Variants in DHRS3 observed in about 807,000 individuals in gnomAD.
DHRS3 encodes the protein dehydrogenase/reductase 3.
Under a neutral mutation model 27.2 loss-of-function variants are expected in DHRS3, and 14 were observed. That is an observed-to-expected ratio of 0.52 (90% CI 0.34 to 0.81). The LOEUF is 0.81. Among genes scored for constraint, DHRS3 ranks in the 30% least tolerant of loss-of-function variants. The pLI is 0.01. For missense variants in DHRS3, 322 were observed against 406.2 expected (o/e 0.79, Z 1.78); for synonymous variants, 165 against 175.9 (o/e 0.94, Z 0.49).
chr1:12,572,626 A>G (rs1368575955), intron 5 of DHRS3, 102 bp downstream of exon 5: 1 of 1,520,364 alleles, frequency 6.6e-7, no homozygotes, highest in Non-Finnish European at 8.9e-7. Context: ...CATCAGCAGC[A>G]AATGTGCCAG....
rs113486754 is a variant in DHRS3 at position 12,569,141 on chromosome 1, T to C, written c.825-717A>G. 1.1e-3 allele frequency among the ~76,000 whole-genome samples: 172 copies of C among 151,764 alleles called. 1 individual carries two copies. The highest frequency in any genetic ancestry group is 4.0e-3 in the African/African-American group (165 of 41,350). ...ACTGAGGCAGGAGAATTGCTTGACCTGGGAGGCGGAGGTTTCGGTGGGCCG... is the reference window on the plus strand; with the variant it reads ...ACTGAGGCAGGAGAATTGCTTGACCCGGGAGGCGGAGGTTTCGGTGGGCCG... On this transcript the variant is annotated intron_variant, in intron 5 of 5. Coordinates refer to ENST00000616661, the MANE Select transcript of DHRS3 (RefSeq NM_004753.7).
chr1:12,592,228 C>T lies in DHRS3; in HGVS notation c.196-11562G>A, dbSNP rs76150369. ...CTTAGACTGAATCCTCTCGGCTGCC[C>T]GGATGTGGTACAGTCGGCTGATTAG... On this transcript the variant is annotated intron_variant, in intron 1 of 5. Transcript: ENST00000616661. The surrounding 1 kb of genome is among the most constrained non-coding windows in gnomAD (Gnocchi z 4.2). Among the ~76,000 whole-genome samples, 3,531 of 152,244 alleles carry T rather than the reference C, an allele frequency of 0.023. 126 individuals carry two copies. The highest frequency in any genetic ancestry group is 0.074 in the African/African-American group (3,054 of 41,532).
chr1:12,605,078 C>CA (rs36031555), intron 1 of DHRS3, among the ~76,000 whole-genome samples: 66,086 of 98,168 alleles, frequency 0.67, 20,627 homozygotes, highest in East Asian at 0.77. Flanking sequence ...AACTCCATCT[C>CA]AAAAAAAAAA....
intron 1 of DHRS3, among the ~76,000 whole-genome samples, chr1:12,581,205 T>C (rs1307066099): frequency 6.6e-6 from 1 of 152,218 alleles, no homozygotes; most frequent in Non-Finnish European, 1.5e-5. Flanking sequence ...GATCAATCAA[T>C]TGATGTGTAT....
At chr1:12,590,424 C>T (rs1646735746) in intron 1 of DHRS3, among the ~76,000 whole-genome samples, 1 of 152,172 alleles carries the variant, frequency 6.6e-6, no homozygotes, top group Non-Finnish European at 1.5e-5. Context: ...AATTCTCCTG[C>T]CTCAGCCTCC....
At chr1:12,585,277 CTG>C (rs990863509) in intron 1 of DHRS3, among the ~76,000 whole-genome samples, 18 of 147,434 alleles carry the variant, frequency 1.2e-4, no homozygotes, top group Non-Finnish European at 1.0e-4. Flanking sequence ...CTCTCTGTGT[CTG>C]TGTGTGTCTC....
chr1:12,605,301 C>G (rs890028061), intron 1 of DHRS3, among the ~76,000 whole-genome samples: 4 of 152,092 alleles, frequency 2.6e-5, no homozygotes, highest in African/African-American at 7.2e-5. Flanking sequence ...TGGTCATGTA[C>G]AGTATCATTC....
intron 1 of DHRS3, among the ~76,000 whole-genome samples, chr1:12,589,241 GA>G (rs1282272648): frequency 1.3e-5 from 2 of 152,218 alleles, no homozygotes; most frequent in African/African-American, 4.8e-5. Context: ...TCCAAAAGGA[GA>G]GACCCTTTCT....
chr1:12,572,760 T>C lies in DHRS3; in HGVS notation c.792A>G (p.Pro264=). 6.2e-7 allele frequency: 1 copy of C among 1,610,716 alleles called. No individual in the cohort carries two copies. ...VQLNQALLLL[P]WTMHALVILK... is the part of the protein sequence containing the mutation. ...AGATAACGAGGGCATGCATTGTCCATGGGAGGAGGAGGAGGGCCTGGTTGA... is the reference window on the plus strand; with the variant it reads ...AGATAACGAGGGCATGCATTGTCCACGGGAGGAGGAGGAGGGCCTGGTTGA... Residue 264 remains proline (P), a synonymous_variant, in exon 5 of 6, where the codon CCA becomes CCG. Transcript: ENST00000616661.
At chr1:12,602,341 A>G (rs1019203602) in intron 1 of DHRS3, among the ~76,000 whole-genome samples, 1 of 150,794 alleles carries the variant, frequency 6.6e-6, no homozygotes, top group Admixed American at 6.6e-5. Context: ...TCATCTCAAC[A>G]GAGGTGAGGC....
At position 12,572,611 on chromosome 1, in the gene DHRS3, C is replaced by T. The variant is rs563920922; in HGVS notation, c.824+117G>A. ...GAGAACTGCTGCCCCACAGTAAGTACAGTACATCAGCAGCAAATGTGCCAG... is the reference window on the plus strand; with the variant it reads ...GAGAACTGCTGCCCCACAGTAAGTATAGTACATCAGCAGCAAATGTGCCAG... On this transcript the variant is annotated intron_variant, in intron 5 of 5. Coordinates refer to ENST00000616661, the MANE Select transcript of DHRS3 (RefSeq NM_004753.7). The T allele has an allele frequency of 8.8e-6, 13 of 1,478,154 alleles. No individual in the cohort carries two copies. The Admixed American group carries it at 2.6e-4, about 29-fold the overall frequency. The allele number at this position is 1,478,154 out of a possible 1,614,324, so 91.6% of individuals were successfully genotyped here.
At chr1:12,607,712 T>C (rs2100719471) in intron 1 of DHRS3, among the ~76,000 whole-genome samples, 1 of 152,334 alleles carries the variant, frequency 6.6e-6, no homozygotes, top group South Asian at 2.1e-4. Flanking sequence ...AAAAAAAGAC[T>C]GTATTGACAT....
chr1:12,592,145 C>T lies in DHRS3; in HGVS notation c.196-11479G>A, dbSNP rs1028552718. Among the ~76,000 whole-genome samples, 3 of 152,134 alleles carry T rather than the reference C, an allele frequency of 2.0e-5. No individual in the cohort carries two copies. Among genetic ancestry groups the T allele is most frequent in the East Asian group, 1.9e-4 (1 of 5,178 alleles). On this transcript the variant is annotated intron_variant, in intron 1 of 5. Transcript: ENST00000616661. The surrounding 1 kb of genome is among the most constrained non-coding windows in gnomAD (Gnocchi z 4.2). ...GGGTGGGACTGTGACAAGCACTCAC[C>T]GCCACCACAGTGAACAATCTGTGGA... is the stretch of plus-strand genomic sequence containing the variant.
chr1:12,587,441 T>G (rs529349977), intron 1 of DHRS3, among the ~76,000 whole-genome samples: 1 of 152,242 alleles, frequency 6.6e-6, no homozygotes, highest in Non-Finnish European at 1.5e-5. Context: ...ACCAGGTCAC[T>G]GGAAGTCAAC....
In DHRS3 at chr1:12,608,632, G is replaced by A. The variant is rs557324011; in HGVS notation, c.195+8522C>T. ...TGACAATGACTCACAGAATCAAAGG[G>A]TAGAAGGGACCTAGGAGGTTGTCCA... On this transcript the variant is annotated intron_variant, in intron 1 of 5. Coordinates refer to ENST00000616661, the MANE Select transcript of DHRS3 (RefSeq NM_004753.7). The surrounding 1 kb of genome is among the most constrained non-coding windows in gnomAD (Gnocchi z 4.1). Among the ~76,000 whole-genome samples, 5 of 152,264 alleles carry A rather than the reference G, an allele frequency of 3.3e-5. No homozygotes were observed. In the South Asian group the frequency reaches 1.0e-3, roughly 32 times the overall value.
At chr1:12,597,492 T>A (rs1646806717) in intron 1 of DHRS3, among the ~76,000 whole-genome samples, 1 of 152,256 alleles carries the variant, frequency 6.6e-6, no homozygotes, top group South Asian at 2.1e-4. Flanking sequence ...TCCTTCTGCC[T>A]CACATCCCTC....
intron 4 of DHRS3, among the ~76,000 whole-genome samples, chr1:12,573,428 G>A (rs1646557012): frequency 6.6e-6 from 1 of 152,222 alleles, no homozygotes; most frequent in African/African-American, 2.4e-5. Flanking sequence ...CTTGTCAGTG[G>A]CCTGTCTCCG....
chr1:12,575,858 C>CA (rs1646581995), intron 4 of DHRS3, among the ~76,000 whole-genome samples: 1 of 152,118 alleles, frequency 6.6e-6, no homozygotes, highest in African/African-American at 2.4e-5. Context: ...AGGCACCCAC[C>CA]ACCATGCCTG....
chr1:12,569,264 C>T (rs1476298892), intron 5 of DHRS3, among the ~76,000 whole-genome samples: 1 of 150,804 alleles, frequency 6.6e-6, no homozygotes, highest in African/African-American at 2.4e-5. Flanking sequence ...CACACACACT[C>T]TTTTTAAAAT....
Sources: allele counts gnomAD v4.1 joint callset (sites outside exome capture counted in the v4.1 genomes callset), GRCh38; gene constraint gnomAD v4.1.1; non-coding constraint Gnocchi (gnomAD v3.1); transcripts MANE v1.5; gene names NCBI Gene and HGNC (gene_info 2026-07-23, HGNC 2026-07-21).